Variants in ERG observed in about 807,000 individuals in gnomAD.
ERG encodes the protein ETS transcription factor ERG, also known as transcriptional regulator ERG.
In ERG, 9 loss-of-function variants were observed where a neutral mutation model predicts 55.3. The observed-to-expected ratio is 0.16, with a 90% CI of 0.10 to 0.28. The LOEUF (loss-of-function observed/expected upper bound fraction) is 0.28. ERG is among the 10% of genes least tolerant of loss of function. ERG has a pLI of 1.00. For synonymous variants in ERG, 223 were observed against 237.3 expected (o/e 0.94, Z 0.55); for missense variants, 434 against 631.6 (o/e 0.69, Z 3.35).
At chr21:38,584,272 A>G (rs1245737775) in intron 1 of ERG, among the ~76,000 whole-genome samples, 1 of 152,132 alleles carries the variant, frequency 6.6e-6, no homozygotes, top group Non-Finnish European at 1.5e-5. Context: ...AGCTGGCCTC[A>G]TGGGCATGCC....
chr21:38,502,277 T>C (rs2059426707), upstream of ERG, among the ~76,000 whole-genome samples: 2 of 152,226 alleles, frequency 1.3e-5, no homozygotes, highest in African/African-American at 4.8e-5. Flanking sequence ...TGCTCTGATA[T>C]TTTACCTGGT....
the ERG span, among the ~76,000 whole-genome samples, chr21:38,374,671 T>C: frequency 1.3e-5 from 2 of 152,180 alleles, no homozygotes; most frequent in Non-Finnish European, 2.9e-5. Flanking sequence ...CCAGCCTGAT[T>C]GAACCCCTAC....
Position 38,460,626 on chromosome 21 carries a change from T to C in ERG, c.19-15005A>G, listed in dbSNP as rs2059033136. ...CTTTTCATTCAGAGTCTGCAAGGGGTCACGGCCATTTTGAAAGGCTTTGAC... is the reference window on the plus strand; with the variant it reads ...CTTTTCATTCAGAGTCTGCAAGGGGCCACGGCCATTTTGAAAGGCTTTGAC... On this transcript the variant is annotated intron_variant, in intron 1 of 9. Coordinates refer to ENST00000288319, the MANE Select transcript of ERG (RefSeq NM_182918.4). The surrounding 1 kb of genome is among the most constrained non-coding windows in gnomAD (Gnocchi z 5.0). 6.6e-6 allele frequency among the ~76,000 whole-genome samples: 1 copy of C among 152,036 alleles called. No individual in the cohort carries two copies. Among genetic ancestry groups the C allele is most frequent in the Non-Finnish European group, 1.5e-5 (1 of 68,014 alleles).
Position 38,429,738 on chromosome 21 carries a change from T to C in ERG, c.237-6177A>G, listed in dbSNP as rs1373655392. The stretch of plus-strand genomic sequence containing the variant: ...ATATATGTCTATATATATGTGTGTA[T>C]ATATATATACACACACACACACACA... On this transcript the variant is annotated intron_variant, in intron 2 of 9. Coordinates refer to ENST00000288319, the MANE Select transcript of ERG (RefSeq NM_182918.4). 6.0e-3 allele frequency among the ~76,000 whole-genome samples: 471 copies of C among 78,222 alleles called. 2 individuals carry two copies. The highest frequency in any genetic ancestry group is 9.7e-3 in the Non-Finnish European group (356 of 36,876). The allele number at this position is 78,222 out of a possible 152,430, so 51.3% of individuals were successfully genotyped here. A position where few individuals can be genotyped will look rare whatever the true frequency, so the allele number is the denominator to read the frequency against.
At chr21:38,491,848 G>T (rs965985442) in intron 1 of ERG, among the ~76,000 whole-genome samples, 5 of 152,164 alleles carry the variant, frequency 3.3e-5, no homozygotes, top group African/African-American at 9.7e-5. Flanking sequence ...CTTGGATCTC[G>T]CCAAATATGG....
intron 1 of ERG, among the ~76,000 whole-genome samples, chr21:38,648,736 A>T (rs943583599): frequency 1.1e-4 from 16 of 152,122 alleles, no homozygotes; most frequent in African/African-American, 3.9e-4. Flanking sequence ...CCAGACACAA[A>T]TTTCCATGAA....
At chr21:38,390,628 C>T (rs1987929369) in intron 9 of ERG, among the ~76,000 whole-genome samples, 1 of 152,160 alleles carries the variant, frequency 6.6e-6, no homozygotes, top group South Asian at 2.1e-4. Context: ...GCCCCCAGGA[C>T]AGATCCCTCC....
chr21:38,587,840 GTT>G (rs2146888407), upstream of ERG, among the ~76,000 whole-genome samples: 3 of 152,318 alleles, frequency 2.0e-5, no homozygotes, highest in African/African-American at 7.2e-5. Flanking sequence ...TCTATAGTAG[GTT>G]TTTATGCCAA....
the ERG span, among the ~76,000 whole-genome samples, chr21:38,370,580 T>C: frequency 0.01 from 1,547 of 152,232 alleles, 20 homozygotes; most frequent in African/African-American, 0.034. Context: ...CTTAATCATA[T>C]ATGTGTGACT....
intron 2 of ERG, among the ~76,000 whole-genome samples, chr21:38,444,984 G>A (rs1472201558): frequency 6.6e-6 from 1 of 152,040 alleles, no homozygotes; most frequent in Non-Finnish European, 1.5e-5. Flanking sequence ...CTCGTGCCTG[G>A]GAAATAGAAT....
chr21:38,449,814 A>C (rs1414557276), intron 1 of ERG, among the ~76,000 whole-genome samples: 1 of 152,204 alleles, frequency 6.6e-6, no homozygotes, highest in Non-Finnish European at 1.5e-5. Context: ...CATCATACTT[A>C]ACCTCTTTTG....
chr21:38,420,367 T>C (rs1274649074), intron 3 of ERG, among the ~76,000 whole-genome samples: 1 of 152,132 alleles, frequency 6.6e-6, no homozygotes, highest in Non-Finnish European at 1.5e-5. Context: ...GCTTGACCAA[T>C]AACTGAAAGA....
At chr21:38,524,823 G>T (rs887998346) in intron 2 of ERG, among the ~76,000 whole-genome samples, 5 of 152,190 alleles carry the variant, frequency 3.3e-5, no homozygotes, top group African/African-American at 1.2e-4. Context: ...ATGTTTAAAA[G>T]CCTGTAAGCA....
intron 1 of ERG, among the ~76,000 whole-genome samples, chr21:38,642,141 GGCAGATACTTCTAATGT>G (rs2060428976): frequency 6.6e-6 from 1 of 152,194 alleles, no homozygotes; most frequent in African/African-American, 2.4e-5. Context: ...TATGAACATG[GGCAGATACTTCTAATGT>G]GCTGGTAAGT....
At chr21:38,506,956 A>T (rs1005798995) in intron 2 of ERG, among the ~76,000 whole-genome samples, 1 of 152,106 alleles carries the variant, frequency 6.6e-6, no homozygotes, top group Non-Finnish European at 1.5e-5. Context: ...TGCTATTTTT[A>T]AAAGGAAACA....
chr21:38,432,918 A>G (rs17230540), intron 2 of ERG, among the ~76,000 whole-genome samples: 8,758 of 152,298 alleles, frequency 0.058, 305 homozygotes, highest in Non-Finnish European at 0.073. Context: ...ACTTAATTTC[A>G]TCACTATTAA....
chr21:38,486,030 T>G (rs2059282028), intron 1 of ERG, among the ~76,000 whole-genome samples: 1 of 151,838 alleles, frequency 6.6e-6, no homozygotes. Flanking sequence ...GCCTCCCAGG[T>G]TCAAGCAATT....
At chr21:38,643,007 C>G (rs1216003768) in intron 1 of ERG, among the ~76,000 whole-genome samples, 1 of 152,218 alleles carries the variant, frequency 6.6e-6, no homozygotes, top group Non-Finnish European at 1.5e-5. Context: ...TATGCCTACT[C>G]TTTTCTTAGC....
chr21:38,367,289 A>G, the ERG span, among the ~76,000 whole-genome samples: 1 of 152,180 alleles, frequency 6.6e-6, no homozygotes, highest in African/African-American at 2.4e-5. Context: ...CTGTGTAACA[A>G]ATTTCTCCAT....
Sources: gnomAD v4.1 joint callset for allele counts (sites outside exome capture counted in the v4.1 genomes callset) on GRCh38, gnomAD v4.1.1 for gene constraint, Gnocchi (gnomAD v3.1) non-coding constraint, MANE v1.5 for transcripts, NCBI Gene and HGNC (gene_info 2026-07-23, HGNC 2026-07-21) for gene names.